SORCS2: variants seen among roughly 807,000 people sequenced by gnomAD.
The protein encoded by SORCS2 is sortilin related VPS10 domain containing receptor 2.
Under a neutral mutation model 141.6 loss-of-function variants are expected in SORCS2, and 100 were observed. The observed-to-expected ratio is 0.71, with a 90% confidence interval of 0.60 to 0.83. The LOEUF (loss-of-function observed/expected upper bound fraction) is 0.83. SORCS2 is among the 40% of genes least tolerant of loss of function. The pLI, the probability that SORCS2 is intolerant of heterozygous loss-of-function variation, is 0.00. For synonymous variants in SORCS2, 789 were observed against 676.9 expected (o/e 1.17, Z -2.57); for missense variants, 1,646 against 1,560.2 (o/e 1.05, Z -0.93).
At chr4:7,369,050 T>C (rs963970170) in intron 1 of SORCS2, among the ~76,000 whole-genome samples, 4 of 152,182 alleles carry the variant, frequency 2.6e-5, no homozygotes, top group African/African-American at 9.7e-5. Context: ...CTCACACCTA[T>C]AATCTCAGTA....
Position 7,507,841 on chromosome 4 carries a change from A to G in SORCS2, c.549-23689A>G, listed in dbSNP as rs145039735. 4.6e-4 allele frequency among the ~76,000 whole-genome samples: 70 copies of G among 152,298 alleles called. No individual in the cohort carries two copies. In the East Asian group the frequency reaches 9.8e-3, roughly 21 times the overall value. On this transcript the variant is annotated intron_variant, in intron 2 of 26. Transcript: ENST00000507866. ...GTGTTCGAGCCATGCGCCAAAATAA[A>G]TTTTAGGCAGATCCAAGACATAAAA... is the stretch of plus-strand genomic sequence containing the variant.
intron 2 of SORCS2, chr4:7,431,881 C>T (rs568622444): frequency 2.0e-5 from 3 of 152,244 alleles, no homozygotes; most frequent in Admixed American, 6.5e-5. Flanking sequence ...TCCCGTCCAT[C>T]CAGGCCTGGC....
At chr4:7,632,246 G>A (rs1719940354) in intron 3 of SORCS2, among the ~76,000 whole-genome samples, 1 of 148,740 alleles carries the variant, frequency 6.7e-6, no homozygotes, top group African/African-American at 2.5e-5. Flanking sequence ...AATCTGTCAA[G>A]CATTTCTCTT....
chr4:7,433,508 C>T (rs1417395386), intron 2 of SORCS2: 1 of 1,604,516 alleles, frequency 6.2e-7, no homozygotes. Context: ...GCCACGGGGT[C>T]CATCATGTCC....
chr4:7,704,006 A>G (rs562370034), intron 13 of SORCS2, among the ~76,000 whole-genome samples, 171 bp from the exon 14 acceptor site: 2 of 152,264 alleles, frequency 1.3e-5, no homozygotes, highest in South Asian at 2.1e-4. Context: ...CAGATGTAAC[A>G]TAAGCAGATG....
chr4:7,427,640 G>A (rs376804178), intron 2 of SORCS2, among the ~76,000 whole-genome samples: 2 of 152,122 alleles, frequency 1.3e-5, no homozygotes, highest in Non-Finnish European at 2.9e-5. Flanking sequence ...AGGAGGTGGG[G>A]TGCTGGGATC....
chr4:7,195,815 A>G (rs915414633), intron 1 of SORCS2, among the ~76,000 whole-genome samples: 1 of 152,226 alleles, frequency 6.6e-6, no homozygotes, highest in Admixed American at 6.5e-5. Flanking sequence ...TTTGAAAGCT[A>G]CAACCAGACA....
intron 2 of SORCS2, among the ~76,000 whole-genome samples, chr4:7,491,831 G>A (rs1056320162): frequency 6.6e-6 from 1 of 152,200 alleles, no homozygotes; most frequent in African/African-American, 2.4e-5. Flanking sequence ...CAGGTCAGGA[G>A]GGGTAGAACT....
chr4:7,476,153 A>G (rs759757565), intron 2 of SORCS2, among the ~76,000 whole-genome samples: 17 of 152,242 alleles, frequency 1.1e-4, no homozygotes, highest in Non-Finnish European at 2.2e-4. Context: ...GAATCATAGG[A>G]CATGGATGGT....
chr4:7,657,977 G>A (rs758160899), intron 5 of SORCS2, among the ~76,000 whole-genome samples: 1 of 152,004 alleles, frequency 6.6e-6, no homozygotes, highest in Non-Finnish European at 1.5e-5. Flanking sequence ...GAGTGACTGA[G>A]TGAGTCTGTG....
At chr4:7,564,902 C>T (rs963610766) in intron 3 of SORCS2, among the ~76,000 whole-genome samples, 1 of 152,172 alleles carries the variant, frequency 6.6e-6, no homozygotes, top group Admixed American at 6.5e-5. Flanking sequence ...TTACCTGTAT[C>T]AACAGGCTTA....
At chr4:7,709,834 C>G (rs1179961564) in intron 14 of SORCS2, among the ~76,000 whole-genome samples, 1 of 152,198 alleles carries the variant, frequency 6.6e-6, no homozygotes, top group Non-Finnish European at 1.5e-5. Context: ...AGCCTCAGAG[C>G]AGGGAGGGGT....
chr4:7,333,790 C>T (rs1463896787), intron 1 of SORCS2, among the ~76,000 whole-genome samples: 1 of 152,200 alleles, frequency 6.6e-6, no homozygotes, highest in Non-Finnish European at 1.5e-5. Context: ...ATCTTGTGGT[C>T]AGTGCTTTCT....
At chr4:7,336,447 C>T (rs1332850519) in intron 1 of SORCS2, among the ~76,000 whole-genome samples, 1 of 150,924 alleles carries the variant, frequency 6.6e-6, no homozygotes, top group Non-Finnish European at 1.5e-5. Context: ...CTCTTGTCTC[C>T]AAGGATGGGG....
At chr4:7,386,163 A>G (rs1033148901) in intron 1 of SORCS2, among the ~76,000 whole-genome samples, 1 of 150,084 alleles carries the variant, frequency 6.7e-6, no homozygotes, top group Non-Finnish European at 1.5e-5. Flanking sequence ...GTACACAGAG[A>G]TACACATGCG....
In SORCS2 at chr4:7,714,272, T is replaced by A. The variant is rs768519921; in HGVS notation, c.2022T>A (p.Ser674Arg). ...GDRCIMGQQR[S>R]FRKRKSTSWC... ...GCTGTATCATGGGCCAGCAGAGAAG[T>A]TTCCGGAAAAGAAAGTCCACGTCCT... The change falls in exon 16 of 27, where the codon AGT becomes AGA. Residue 674 changes from serine (S) to arginine (R), a missense_variant. Physicochemically the swap from Ser to Arg is moderately radical, Grantham distance 110. Coordinates refer to ENST00000507866, the MANE Select transcript of SORCS2 (RefSeq NM_020777.3). 3 of 1,610,634 alleles carry A rather than the reference T, an allele frequency of 1.9e-6. No homozygotes were observed. In the Admixed American group the frequency reaches 5.0e-5, roughly 27 times the overall value.
At position 7,233,607 on chromosome 4, in the gene SORCS2, C is replaced by T. The variant is rs1399422838; in HGVS notation, c.480+40481C>T. On this transcript the variant is annotated intron_variant, in intron 1 of 26. Coordinates refer to ENST00000507866, the MANE Select transcript of SORCS2 (RefSeq NM_020777.3). The surrounding 1 kb of genome is among the most constrained non-coding windows in gnomAD (Gnocchi z 4.5). ...GACTCAGGAATGAGGCTGGCGGTCA[C>T]CGTGGAGTGCAGCGCTTCTCAGGTG... is the stretch of plus-strand genomic sequence containing the variant. 6.6e-6 allele frequency among the ~76,000 whole-genome samples: 1 copy of T among 152,126 alleles called. No homozygotes were observed. The highest frequency in any genetic ancestry group is 1.5e-5 in the Non-Finnish European group (1 of 68,012).
At chr4:7,724,567 GTGGTGA>G (rs879320842) in intron 19 of SORCS2, among the ~76,000 whole-genome samples, 18,738 of 111,218 alleles carry the variant, frequency 0.17, 2,454 homozygotes, top group East Asian at 0.27. Flanking sequence ...ATGGATGGTG[GTGGTGA>G]TGGTGATGGT....
chr4:7,390,045 C>T (rs1328125380), intron 1 of SORCS2, among the ~76,000 whole-genome samples: 2 of 152,170 alleles, frequency 1.3e-5, no homozygotes, highest in Non-Finnish European at 2.9e-5. Context: ...CGGGAAGCTG[C>T]ATGGCCAGTC....
Sources: gnomAD v4.1 joint callset for allele counts (sites outside exome capture counted in the v4.1 genomes callset) on GRCh38, gnomAD v4.1.1 for gene constraint, Gnocchi (gnomAD v3.1) non-coding constraint, MANE v1.5 for transcripts, NCBI Gene and HGNC (gene_info 2026-07-23, HGNC 2026-07-21) for gene names.